GPATCH2L: variants seen among roughly 807,000 people sequenced by gnomAD.
GPATCH2L encodes G-patch domain containing 2 like.
Under a neutral mutation model 57.4 loss-of-function variants are expected in GPATCH2L, and 31 were observed. That is an observed-to-expected ratio of 0.54 (90% CI 0.41 to 0.73). GPATCH2L has a LOEUF of 0.73. Ranked by LOEUF, GPATCH2L falls within the 30% of genes least tolerant of loss-of-function variation. The pLI is 0.00. For synonymous variants in GPATCH2L, 199 were observed against 210.7 expected, an observed-to-expected ratio of 0.94 and a Z score of 0.48; for missense variants, 481 against 599.9, an observed-to-expected ratio of 0.80 and a Z score of 2.07.
intron 1 of GPATCH2L, among the ~76,000 whole-genome samples, chr14:76,226,112 A>G (rs2040535389): frequency 6.6e-6 from 1 of 152,234 alleles, no homozygotes; most frequent in Non-Finnish European, 1.5e-5. Context: ...CTAAAGTACA[A>G]ACCCCATAGA....
In GPATCH2L at chr14:76,211,316, A is replaced by G. The variant is rs1454364278; in HGVS notation, c.*9465A>G. ...CTCAGGGTGCATTCGTGGAAACCCTACTGCAACTGGCCCATTGTGCATACA... is the reference window on the plus strand; with the variant it reads ...CTCAGGGTGCATTCGTGGAAACCCTGCTGCAACTGGCCCATTGTGCATACA... On this transcript the variant is annotated 3_prime_UTR_variant, in exon 10 of 10. Transcript: ENST00000261530. 2 of 152,248 alleles carry G rather than the reference A, an allele frequency of 1.3e-5. No individual in the cohort carries two copies. The highest frequency in any genetic ancestry group is 1.9e-4 in the East Asian group (1 of 5,200). The allele number at this position is 152,248 out of a possible 1,614,324, so 9.4% of individuals were successfully genotyped here.
intron 5 of GPATCH2L, chr14:76,174,984 A>T (rs1381316061): frequency 1.3e-5 from 2 of 152,078 alleles, no homozygotes; most frequent in Non-Finnish European, 2.9e-5. Context: ...GAAAACTGAT[A>T]CCTTTCAAAT....
At chr14:76,221,882 A>G (rs557049786) in intron 1 of GPATCH2L, among the ~76,000 whole-genome samples, 1 of 152,334 alleles carries the variant, frequency 6.6e-6, no homozygotes, top group South Asian at 2.1e-4. Context: ...TCTGTATGAT[A>G]CTACAATAAT....
Position 76,154,286 on chromosome 14 carries a change from C to A in GPATCH2L, c.-10-68C>A, listed in dbSNP as rs571054124. The A allele has an allele frequency of 9.1e-6, 12 of 1,314,118 alleles. No homozygotes were observed. The Admixed American group carries it at 1.6e-4, about 18-fold the overall frequency. 81.4% of individuals were successfully genotyped at this position (1,314,118 alleles called of 1,614,324 possible). Reference sequence around the variant, plus strand: ...ATCAAATTATTCCAAAACAACAGATCCTTTTTCAGGCTTTCTTTTTCTTTT... The same window carrying A: ...ATCAAATTATTCCAAAACAACAGATACTTTTTCAGGCTTTCTTTTTCTTTT... On this transcript the variant is annotated intron_variant, in intron 1 of 9. Transcript: ENST00000261530. The surrounding 1 kb of genome is among the most constrained non-coding windows in gnomAD (Gnocchi z 4.4).
chr14:76,200,420 T>C (rs532120986), intron 9 of GPATCH2L, among the ~76,000 whole-genome samples: 1 of 152,234 alleles, frequency 6.6e-6, no homozygotes, highest in South Asian at 2.1e-4. Context: ...AGGTACAGTT[T>C]TTTGAAATTT....
intron 2 of GPATCH2L, among the ~76,000 whole-genome samples, chr14:76,158,909 C>G (rs1356534994): frequency 6.6e-6 from 1 of 152,048 alleles, no homozygotes; most frequent in Non-Finnish European, 1.5e-5. Flanking sequence ...ACATCCATCT[C>G]GTAAAAGAGT....
At chr14:76,168,654 A>AATTT (rs2038953426) in intron 3 of GPATCH2L, among the ~76,000 whole-genome samples, 1 of 152,216 alleles carries the variant, frequency 6.6e-6, no homozygotes, top group South Asian at 2.1e-4. Context: ...TACATATTTA[A>AATTT]AGCCTTTGCT....
chr14:76,167,246 T>G (rs2038885580), intron 3 of GPATCH2L, among the ~76,000 whole-genome samples: 1 of 152,164 alleles, frequency 6.6e-6, no homozygotes, highest in Non-Finnish European at 1.5e-5. Context: ...GCTGGTATAG[T>G]TAATTACCAG....
intron 5 of GPATCH2L, chr14:76,174,428 ATTTG>A (rs1330832854): frequency 6.6e-6 from 1 of 152,204 alleles, no homozygotes; most frequent in African/African-American, 2.4e-5. Flanking sequence ...GAGAGCATTA[ATTTG>A]TTTGTTCACT....
intron 2 of GPATCH2L, among the ~76,000 whole-genome samples, chr14:76,157,684 C>T (rs2591088): frequency 0.43 from 35,397 of 82,506 alleles, 4,514 homozygotes; most frequent in South Asian, 0.47. Context: ...TTTTTTTTTT[C>T]TAAAGCATGT....
At chr14:76,186,324 C>T (rs1219806820) in intron 8 of GPATCH2L, among the ~76,000 whole-genome samples, 1 of 152,074 alleles carries the variant, frequency 6.6e-6, no homozygotes, top group Non-Finnish European at 1.5e-5. Flanking sequence ...ATTTGTAATT[C>T]ATTTTATCTG....
chr14:76,172,230 G>A (rs2039118304), intron 4 of GPATCH2L, among the ~76,000 whole-genome samples: 3 of 152,120 alleles, frequency 2.0e-5, no homozygotes, highest in African/African-American at 7.2e-5. Flanking sequence ...AAACTCCTGG[G>A]ACATATATAT....
At position 76,206,919 on chromosome 14, in the gene GPATCH2L, C is replaced by T. The variant is rs2040383195; in HGVS notation, c.*5068C>T. 6.6e-6 allele frequency: 1 copy of T among 150,802 alleles called. No homozygotes were observed. The highest frequency in any genetic ancestry group is 2.4e-5 in the African/African-American group (1 of 40,820). The allele number at this position is 150,802 out of a possible 1,614,324, so 9.3% of individuals were successfully genotyped here. Reference sequence around the variant, plus strand: ...AGAAACTGTTAATGTCTTTATTTCTCATATTTTTTTTTTCCCCTACAAGCT... The same window carrying T: ...AGAAACTGTTAATGTCTTTATTTCTTATATTTTTTTTTTCCCCTACAAGCT... On this transcript the variant is annotated 3_prime_UTR_variant, in exon 10 of 10. Coordinates refer to ENST00000261530, the MANE Select transcript of GPATCH2L (RefSeq NM_017926.4).
At chr14:76,183,096 C>T (rs1349315533) in intron 8 of GPATCH2L, among the ~76,000 whole-genome samples, 2 of 152,228 alleles carry the variant, frequency 1.3e-5, no homozygotes, top group Non-Finnish European at 2.9e-5. Context: ...AGTATTCGTA[C>T]TTTTGTCAGG....
chr14:76,173,873 C>T (rs1691514153), intron 5 of GPATCH2L: 1 of 487,686 alleles, frequency 2.1e-6, no homozygotes, highest in East Asian at 2.9e-5. Flanking sequence ...GTGTCTATTG[C>T]CTGTAAACCT....
intron 1 of GPATCH2L, among the ~76,000 whole-genome samples, chr14:76,219,505 T>A (rs778912834): frequency 6.6e-6 from 1 of 152,128 alleles, no homozygotes; most frequent in African/African-American, 2.4e-5. Context: ...ATTACAAAGG[T>A]TCATTACATT....
intron 3 of GPATCH2L, among the ~76,000 whole-genome samples, chr14:76,168,917 C>T (rs1379314691): frequency 1.3e-5 from 2 of 152,242 alleles, no homozygotes; most frequent in African/African-American, 4.8e-5. Context: ...TTGTGTTCCT[C>T]TGCTGAGGGC....
intron 9 of GPATCH2L, chr14:76,196,358 C>G: frequency 2.6e-6 from 1 of 388,052 alleles, no homozygotes; most frequent in South Asian, 6.1e-5. Context: ...ATTCTTACTG[C>G]TTTTATAAGT....
chr14:76,216,966 T>C (rs937073948), downstream of GPATCH2L, among the ~76,000 whole-genome samples: 4 of 152,142 alleles, frequency 2.6e-5, no homozygotes, highest in African/African-American at 9.7e-5. Context: ...GATAACTGGA[T>C]ATAGTTATAT....
Sources: gnomAD v4.1 joint callset for allele counts (sites outside exome capture counted in the v4.1 genomes callset) on GRCh38, gnomAD v4.1.1 for gene constraint, Gnocchi (gnomAD v3.1) non-coding constraint, MANE v1.5 for transcripts, NCBI Gene and HGNC (gene_info 2026-07-23, HGNC 2026-07-21) for gene names.